The following RNLS variants were observed in gnomAD, a reference collection of about 807,000 sequenced individuals.
RNLS encodes the protein renalase, FAD dependent amine oxidase.
In RNLS, 39 loss-of-function variants were observed where a neutral mutation model predicts 39.8. The ratio of observed to expected loss-of-function variants is 0.98; its 90% CI spans 0.76 to 1.28. The LOEUF (loss-of-function observed/expected upper bound fraction) is 1.28, where lower values mean the gene tolerates loss of function less well. RNLS is among the 50% of genes most tolerant of loss of function. RNLS has a pLI of 0.00. For missense variants in RNLS, 410 were observed against 413.3 expected (o/e 0.99, Z 0.07); for synonymous variants, 147 against 150.7 (o/e 0.98, Z 0.18).
the RNLS span, among the ~76,000 whole-genome samples, chr10:88,190,612 C>T: frequency 6.6e-6 from 1 of 152,168 alleles, no homozygotes; most frequent in Admixed American, 6.6e-5. Context: ...TATTCTTTTA[C>T]AGCAAGTTTT....
downstream of RNLS, chr10:88,273,729 T>TA (rs1842714702): frequency 6.6e-6 from 1 of 152,198 alleles, no homozygotes; most frequent in African/African-American, 2.4e-5. Flanking sequence ...AAACATGCTT[T>TA]AAAAAACACT....
chr10:88,173,384 T>C, the RNLS span, among the ~76,000 whole-genome samples: 5 of 152,232 alleles, frequency 3.3e-5, no homozygotes, highest in South Asian at 6.2e-4. Flanking sequence ...TTGGTTACTA[T>C]AGCCTTGTAG....
At chr10:88,439,283 T>C (rs951674814) in intron 4 of RNLS, among the ~76,000 whole-genome samples, 1 of 152,206 alleles carries the variant, frequency 6.6e-6, no homozygotes, top group African/African-American at 2.4e-5. Flanking sequence ...CTCCAGATGT[T>C]GCTGGTGTAA....
chr10:88,284,027 T>G (rs1806722113), downstream of RNLS: 1 of 565,758 alleles, frequency 1.8e-6, no homozygotes, highest in African/African-American at 2.0e-5. Flanking sequence ...AATCACTATT[T>G]TTCATCATTT....
At chr10:88,499,987 G>A (rs1273525759) in intron 4 of RNLS, among the ~76,000 whole-genome samples, 2 of 152,248 alleles carry the variant, frequency 1.3e-5, no homozygotes, top group South Asian at 4.1e-4. Context: ...CTACTGGCAG[G>A]TGAGGCTTGG....
the RNLS span, among the ~76,000 whole-genome samples, chr10:88,254,135 T>C: frequency 6.6e-6 from 1 of 152,278 alleles, no homozygotes; most frequent in East Asian, 1.9e-4. Context: ...ACTCTCATAG[T>C]AGTTTGAAGG....
intron 4 of RNLS, among the ~76,000 whole-genome samples, chr10:88,385,396 T>A (rs1851798034): frequency 6.6e-6 from 1 of 152,222 alleles, no homozygotes; most frequent in Non-Finnish European, 1.5e-5. Flanking sequence ...AATTCTTCAC[T>A]GTTTATTCAA....
At chr10:88,213,805 A>G in the RNLS span, among the ~76,000 whole-genome samples, 1 of 152,228 alleles carries the variant, frequency 6.6e-6, no homozygotes, top group Non-Finnish European at 1.5e-5. Context: ...AACTGATCCT[A>G]GACTTTTTCC....
chr10:88,486,054 A>G (rs914395632), intron 4 of RNLS, among the ~76,000 whole-genome samples: 22 of 152,200 alleles, frequency 1.4e-4, no homozygotes, highest in Non-Finnish European at 2.5e-4. Flanking sequence ...CTGAGAGAAA[A>G]TAGTTGCAAA....
At chr10:88,436,018 G>T (rs1368121360) in intron 4 of RNLS, among the ~76,000 whole-genome samples, 1 of 152,102 alleles carries the variant, frequency 6.6e-6, no homozygotes, top group East Asian at 1.9e-4. Context: ...GGGAGATTGA[G>T]GTGGGAAGGA....
chr10:88,378,578 C>T (rs1851212542), intron 4 of RNLS, among the ~76,000 whole-genome samples: 1 of 152,170 alleles, frequency 6.6e-6, no homozygotes, highest in Non-Finnish European at 1.5e-5. Flanking sequence ...TAAGACCCCC[C>T]ATTCTAGAGA....
At chr10:88,335,568 C>T (rs543561042) in intron 5 of RNLS, among the ~76,000 whole-genome samples, 11 of 152,210 alleles carry the variant, frequency 7.2e-5, no homozygotes, top group African/African-American at 2.6e-4. Context: ...TAAATGTAGG[C>T]CAAAAATTTT....
At chr10:88,505,424 A>G (rs955018782) in intron 4 of RNLS, among the ~76,000 whole-genome samples, 4 of 151,824 alleles carry the variant, frequency 2.6e-5, no homozygotes, top group African/African-American at 9.7e-5. Flanking sequence ...TGAGACAGAG[A>G]AAAACTGTGT....
intron 4 of RNLS, among the ~76,000 whole-genome samples, chr10:88,402,242 A>G (rs1852969110): frequency 6.6e-6 from 1 of 152,066 alleles, no homozygotes. Flanking sequence ...CTGTCCATAC[A>G]AAGGCATTAT....
chr10:88,223,359 A>G, the RNLS span, among the ~76,000 whole-genome samples: 31 of 152,346 alleles, frequency 2.0e-4, no homozygotes, highest in African/African-American at 6.7e-4. Context: ...ACGAGAAACC[A>G]TAATGTAAAA....
intron 4 of RNLS, among the ~76,000 whole-genome samples, chr10:88,383,800 G>C (rs1256976774): frequency 6.6e-6 from 1 of 152,068 alleles, no homozygotes; most frequent in Admixed American, 6.6e-5. Flanking sequence ...ACAGATATTA[G>C]TATTTGACAG....
chr10:88,489,773 CAG>C (rs1266090777), intron 4 of RNLS, among the ~76,000 whole-genome samples: 6 of 152,274 alleles, frequency 3.9e-5, no homozygotes, highest in Admixed American at 1.3e-4. Context: ...CTGAGATTTG[CAG>C]AGTGTTTCAA....
chr10:88,581,750 C>A, intron 2 of RNLS, 41 bp from the exon 3 acceptor site: 1 of 1,298,330 alleles, frequency 7.7e-7, no homozygotes, highest in Non-Finnish European at 1.0e-6. Context: ...AATTATATAC[C>A]ATGAATAGCT....
intron 6 of RNLS, among the ~76,000 whole-genome samples, chr10:88,307,846 AC>A (rs1163887035): frequency 6.6e-6 from 1 of 152,258 alleles, no homozygotes; most frequent in Non-Finnish European, 1.5e-5. Flanking sequence ...TTTATATGGA[AC>A]CAAAAAAGAG....
Sources: gnomAD v4.1 joint callset for allele counts (sites outside exome capture counted in the v4.1 genomes callset) on GRCh38, gnomAD v4.1.1 for gene constraint, MANE v1.5 for transcripts, NCBI Gene and HGNC (gene_info 2026-07-23, HGNC 2026-07-21) for gene names.